CNST: variants seen among roughly 807,000 people sequenced by gnomAD.
CNST encodes the protein consortin, connexin sorting protein, also known as consortin.
In CNST, 39 loss-of-function variants were observed where a neutral mutation model predicts 72.4. The ratio of observed to expected loss-of-function variants is 0.54; its 90% CI spans 0.42 to 0.70. The LOEUF (loss-of-function observed/expected upper bound fraction) is 0.70, where lower values mean the gene tolerates loss of function less well. CNST is among the 30% of genes least tolerant of loss of function. CNST has a pLI of 0.00. For missense variants in CNST, 871 were observed against 868.5 expected, an observed-to-expected ratio of 1.00 and a Z score of -0.04; for synonymous variants, 332 against 320.1, an observed-to-expected ratio of 1.04 and a Z score of -0.40.
chr1:246,649,712 G>A (rs1369266777), intron 9 of CNST, among the ~76,000 whole-genome samples: 1 of 151,890 alleles, frequency 6.6e-6, no homozygotes, highest in Non-Finnish European at 1.5e-5. Flanking sequence ...ATCATATGGT[G>A]TGCCTTTTTA....
intron 1 of CNST, among the ~76,000 whole-genome samples, chr1:246,587,519 A>G (rs1309103289): frequency 9.9e-5 from 15 of 152,230 alleles, no homozygotes; most frequent in Admixed American, 9.8e-4. Flanking sequence ...CAAGTCTTAG[A>G]TTCTGTTGGT....
At chr1:246,572,002 G>A (rs1487369704) in intron 1 of CNST, among the ~76,000 whole-genome samples, 1 of 151,920 alleles carries the variant, frequency 6.6e-6, no homozygotes, top group African/African-American at 2.4e-5. Context: ...GCTGCATTTT[G>A]AAAACTCAGT....
intron 1 of CNST, among the ~76,000 whole-genome samples, chr1:246,577,266 CTT>C (rs566837885): frequency 4.3e-4 from 66 of 152,112 alleles, no homozygotes; most frequent in African/African-American, 1.5e-3. Context: ...GTTGTTATGA[CTT>C]TGTTGTTCTC....
chr1:246,570,536 C>T (rs891330749), intron 1 of CNST, among the ~76,000 whole-genome samples: 6 of 152,184 alleles, frequency 3.9e-5, no homozygotes, highest in Non-Finnish European at 1.5e-5. Flanking sequence ...GGTCAGTGAA[C>T]AAACTCCCTC....
intron 6 of CNST, among the ~76,000 whole-genome samples, chr1:246,634,990 G>GTGTCTTCCGGCCA (rs1665080692): frequency 1.3e-5 from 2 of 149,510 alleles, no homozygotes; most frequent in Non-Finnish European, 3.0e-5. Flanking sequence ...TCTTCCGGCC[G>GTGTCTTCCGGCCA]GCCCTCTTCC....
rs1233566367 is a variant in CNST, at chr1:246,580,279, A to C, written c.-51-11233A>C. Among the ~76,000 whole-genome samples, 3 of 152,158 alleles carry C rather than the reference A, an allele frequency of 2.0e-5. No individual in the cohort carries two copies. In the East Asian group the frequency reaches 5.8e-4, roughly 29 times the overall value. On this transcript the variant is annotated intron_variant, in intron 1 of 10. Transcript: ENST00000366513. ...TGTAGATTTCATTCTGGACATATAAATATTAAGGGTTAGGTAGCATTTAAA... is the reference window on the plus strand; with the variant it reads ...TGTAGATTTCATTCTGGACATATAACTATTAAGGGTTAGGTAGCATTTAAA...
chr1:246,663,115 C>G lies in CNST; in HGVS notation c.1973-2585C>G, dbSNP rs561508393. Among the ~76,000 whole-genome samples, 5 of 152,080 alleles carry G rather than the reference C, an allele frequency of 3.3e-5. No homozygotes were observed. The South Asian group carries it at 1.0e-3, about 32-fold the overall frequency. Reference sequence around the variant, plus strand: ...CCCAGCACTTGGGGAAGCCTCCTCCCAAGTCTTCCTCCTGGATCACTCGAG... The same window carrying G: ...CCCAGCACTTGGGGAAGCCTCCTCCGAAGTCTTCCTCCTGGATCACTCGAG... On this transcript the variant is annotated intron_variant, in intron 10 of 10. Coordinates refer to ENST00000366513, the MANE Select transcript of CNST (RefSeq NM_152609.3).
chr1:246,666,022 C>T lies in CNST; in HGVS notation c.*117C>T. On this transcript the variant is annotated 3_prime_UTR_variant, in exon 11 of 11. Coordinates refer to ENST00000366513, the MANE Select transcript of CNST (RefSeq NM_152609.3). ...CCTTCCCTCTGTTAGGAACCAAGGACATCAGAAATAGCAACTTTAAGTGGC... is the reference window on the plus strand; with the variant it reads ...CCTTCCCTCTGTTAGGAACCAAGGATATCAGAAATAGCAACTTTAAGTGGC... 2.8e-6 allele frequency: 2 copies of T among 711,320 alleles called. No individual in the cohort carries two copies. Among genetic ancestry groups the T allele is most frequent in the South Asian group, 1.9e-5 (1 of 52,150 alleles). The allele number at this position is 711,320 out of a possible 1,614,324, so 44.1% of individuals were successfully genotyped here.
intron 9 of CNST, among the ~76,000 whole-genome samples, chr1:246,652,601 GA>G (rs1367226715): frequency 2.6e-5 from 4 of 152,072 alleles, no homozygotes; most frequent in African/African-American, 9.7e-5. Context: ...CATATGTTCA[GA>G]AAAATATATT....
chr1:246,621,338 G>A lies in CNST; in HGVS notation c.380-91G>A, dbSNP rs1446952080. 9 of 1,017,990 alleles carry A rather than the reference G, an allele frequency of 8.8e-6. No homozygotes were observed. The Admixed American group carries it at 1.1e-4, about 12-fold the overall frequency. 63.1% of individuals were successfully genotyped at this position (1,017,990 alleles called of 1,614,324 possible). A position where few individuals can be genotyped will look rare whatever the true frequency, so the allele number is the denominator to read the frequency against. ...TTCAGGTCTGTTTTAGTTTGGGCAAGCCAGGGCATCAAACTATATGTAATT... is the reference window on the plus strand; with the variant it reads ...TTCAGGTCTGTTTTAGTTTGGGCAAACCAGGGCATCAAACTATATGTAATT... On this transcript the variant is annotated intron_variant, in intron 2 of 10. Transcript: ENST00000366513.
chr1:246,614,286 A>T (rs1432116311), intron 2 of CNST, among the ~76,000 whole-genome samples: 6 of 152,212 alleles, frequency 3.9e-5, no homozygotes, highest in Non-Finnish European at 8.8e-5. Context: ...TACATGAAAT[A>T]AAACTTTGAC....
chr1:246,648,884 G>A (rs1469719611), intron 9 of CNST, among the ~76,000 whole-genome samples: 1 of 152,070 alleles, frequency 6.6e-6, no homozygotes, highest in Non-Finnish European at 1.5e-5. Context: ...AAAAAATAAG[G>A]GGGAAAATGA....
At chr1:246,567,923 A>G (rs772068200) in intron 1 of CNST, among the ~76,000 whole-genome samples, 19 of 152,186 alleles carry the variant, frequency 1.2e-4, no homozygotes, top group Non-Finnish European at 2.6e-4. Context: ...GGAGTCCTAA[A>G]TATTTTTAAA....
chr1:246,634,951 T>TGGTGGGTGTCTTCCGGCCGG (rs201316654), intron 6 of CNST, among the ~76,000 whole-genome samples: 38,444 of 80,082 alleles, frequency 0.48, 5,642 homozygotes, highest in East Asian at 0.71. Context: ...CTATCCTCGG[T>TGGTGGGTGTCTTCCGGCCGG]GGTGCGTGTC....
intron 9 of CNST, among the ~76,000 whole-genome samples, chr1:246,658,626 G>T (rs1012809308): frequency 6.6e-6 from 1 of 152,152 alleles, no homozygotes; most frequent in Admixed American, 6.5e-5. Context: ...AAGATGGCTG[G>T]CTGGAACTGC....
At chr1:246,638,127 A>G (rs938037316) in intron 6 of CNST, among the ~76,000 whole-genome samples, 4 of 152,176 alleles carry the variant, frequency 2.6e-5, no homozygotes, top group African/African-American at 9.7e-5. Context: ...GCCGACATGG[A>G]AAGAGTTGTG....
intron 1 of CNST, among the ~76,000 whole-genome samples, chr1:246,591,079 A>G (rs1438926149): frequency 6.6e-6 from 1 of 152,150 alleles, no homozygotes; most frequent in Non-Finnish European, 1.5e-5. Context: ...AACTTATACA[A>G]CTAGCTTTCA....
At chr1:246,589,724 C>T (rs990637500) in intron 1 of CNST, among the ~76,000 whole-genome samples, 1 of 152,168 alleles carries the variant, frequency 6.6e-6, no homozygotes, top group Non-Finnish European at 1.5e-5. Flanking sequence ...AGTTTACAGT[C>T]CTACCAACAG....
chr1:246,635,051 T>G (rs1409748778), intron 6 of CNST, among the ~76,000 whole-genome samples: 1 of 152,100 alleles, frequency 6.6e-6, no homozygotes, highest in African/African-American at 2.4e-5. Context: ...GCCTCGCGCC[T>G]TGGGACTGGG....
Sources: gnomAD v4.1 joint callset for allele counts (sites outside exome capture counted in the v4.1 genomes callset) on GRCh38, gnomAD v4.1.1 for gene constraint, MANE v1.5 for transcripts, NCBI Gene and HGNC (gene_info 2026-07-23, HGNC 2026-07-21) for gene names.